PDHB: variants seen among roughly 807,000 people sequenced by gnomAD.
PDHB encodes pyruvate dehydrogenase E1 subunit beta.
In PDHB, 17 loss-of-function variants were observed where a neutral mutation model predicts 42.8. The observed-to-expected ratio is 0.40, with a 90% confidence interval of 0.27 to 0.60. PDHB has a LOEUF of 0.60. PDHB is among the 20% of genes least tolerant of loss of function. PDHB has a pLI of 0.46. For missense variants in PDHB, 322 were observed against 451.3 expected (o/e 0.71, Z 2.60); for synonymous variants, 154 against 148.7 (o/e 1.04, Z -0.26).
At chr3:58,430,302 G>T in intron 6 of PDHB, 64 bp from the exon 7 acceptor site, 1 of 1,059,284 alleles carries the variant, frequency 9.4e-7, no homozygotes. Context: ...AAACTGCATA[G>T]AAAGCAATAT....
At chr3:58,433,190 G>A (rs1222704937) in intron 2 of PDHB, 2 of 246,308 alleles carry the variant, frequency 8.1e-6, no homozygotes, top group Non-Finnish European at 1.6e-5. Flanking sequence ...GTTACCAGGG[G>A]TTTGGGGAAG....
chr3:58,432,119 A>C (rs2062925732), intron 2 of PDHB, 135 bp from the exon 3 acceptor site: 1 of 705,462 alleles, frequency 1.4e-6, no homozygotes, highest in Non-Finnish European at 2.6e-6. Flanking sequence ...CTAAAAACTC[A>C]AAGAATTCTA....
Position 58,431,486 on chromosome 3 carries a change from G to A in PDHB, c.303+107C>T. 1 of 875,812 alleles carries A rather than the reference G, an allele frequency of 1.1e-6. No individual in the cohort carries two copies. Among genetic ancestry groups the A allele is most frequent in the Admixed American group, 1.8e-5 (1 of 55,170 alleles). 54.3% of individuals were successfully genotyped at this position (875,812 alleles called of 1,614,324 possible). ...TTGCTTGAACCTGGAAGCTGAGATGGTGCCAGTGCACTCCAGGCTGGACAA... is the reference window on the plus strand; with the variant it reads ...TTGCTTGAACCTGGAAGCTGAGATGATGCCAGTGCACTCCAGGCTGGACAA... On this transcript the variant is annotated intron_variant, in intron 5 of 9. Transcript: ENST00000302746. This position sits in a 1 kb window ranked among gnomAD's most constrained non-coding sequence, Gnocchi z 4.4.
chr3:58,430,377 G>C, intron 6 of PDHB, 139 bp from the exon 7 acceptor site: 1 of 690,066 alleles, frequency 1.4e-6, no homozygotes, highest in South Asian at 1.8e-5. Flanking sequence ...CAGCAGCCTT[G>C]AGAGCAGTTT....
chr3:58,431,213 A>T lies in PDHB; in HGVS notation c.304-271T>A. On this transcript the variant is annotated intron_variant, in intron 5 of 9. Transcript: ENST00000302746. The surrounding 1 kb of genome is among the most constrained non-coding windows in gnomAD (Gnocchi z 4.4). The stretch of plus-strand genomic sequence containing the variant: ...GCACCACCACATCTACCTACTTGGT[A>T]TTTTTTTTTTTTCCCAAATGATGTT... 2 of 424,456 alleles carry T rather than the reference A, an allele frequency of 4.7e-6. No individual in the cohort carries two copies. Among genetic ancestry groups the T allele is most frequent in the Non-Finnish European group, 8.5e-6 (2 of 234,170 alleles). 26.3% of individuals were successfully genotyped at this position (424,456 alleles called of 1,614,324 possible).
chr3:58,431,821 G>GT lies in PDHB; in HGVS notation c.205-29dup. 6.2e-7 allele frequency: 1 copy of GT among 1,608,070 alleles called. No individual in the cohort carries two copies. The highest frequency in any genetic ancestry group is 8.5e-7 in the Non-Finnish European group (1 of 1,174,508). ...ACAATTAAGAGTTGATCCCTTAAGT[G>GT]TATCTGGGGGTAACAGTGACCTCAA... is the stretch of plus-strand genomic sequence containing the variant. On this transcript the variant is annotated intron_variant, in intron 3 of 9. Transcript: ENST00000302746. This position sits in a 1 kb window ranked among gnomAD's most constrained non-coding sequence, Gnocchi z 4.4.
rs1450300861 is a variant in PDHB at position 58,430,877 on chromosome 3, A to G, written c.369T>C (p.Val123=). 1 of 1,614,210 alleles carries G rather than the reference A, an allele frequency of 6.2e-7. No homozygotes were observed. Among genetic ancestry groups the G allele is most frequent in the Admixed American group, 1.7e-5 (1 of 60,032 alleles). ...FNFSMQAIDQ[V]INSAAKTYYM... ...AGTAGGTCTTGGCAGCTGAGTTTAT[A>G]ACCTGGTCAATGGCTTGCATGGAGA... The change falls in exon 6 of 10, where the codon GTT becomes GTC. Residue 123 remains valine (V), a synonymous_variant. Coordinates refer to ENST00000302746, the MANE Select transcript of PDHB (RefSeq NM_000925.4).
In PDHB at chr3:58,431,018, T is replaced by G; in HGVS notation, c.304-76A>C. The G allele has an allele frequency of 7.7e-7, 1 of 1,306,750 alleles. No individual in the cohort carries two copies. Among genetic ancestry groups the G allele is most frequent in the Middle Eastern group, 1.8e-4 (1 of 5,466 alleles). The allele number at this position is 1,306,750 out of a possible 1,614,324, so 80.9% of individuals were successfully genotyped here. On this transcript the variant is annotated intron_variant, in intron 5 of 9. Transcript: ENST00000302746. This position sits in a 1 kb window ranked among gnomAD's most constrained non-coding sequence, Gnocchi z 4.4. ...AGTAGCAAACAAATCACTCCAAGTC[T>G]TCCAACATTCAAATAATGTTTTTAT...
Position 58,431,940 on chromosome 3 carries a change from C to T in PDHB, c.141G>A (p.Leu47=). The change falls in exon 3 of 10, where the codon CTG becomes CTA. Residue 47 remains leucine (L), a synonymous_variant. Transcript: ENST00000302746. This position sits in a 1 kb window ranked among gnomAD's most constrained non-coding sequence, Gnocchi z 4.4. The part of the protein sequence containing the change: ...DAINQGMDEE[L]ERDEKVFLLG... ...GCAGAAATACCTTCTCATCTCTTTC[C>T]AGCTCCTCATCCATACCCTGATTTA... 1.2e-6 allele frequency: 2 copies of T among 1,614,044 alleles called. No individual in the cohort carries two copies. Among genetic ancestry groups the T allele is most frequent in the Non-Finnish European group, 1.7e-6 (2 of 1,179,900 alleles).
At chr3:58,428,202 G>C (rs546430652) in intron 9 of PDHB, 23 bp from the exon 10 acceptor site, 2 of 1,612,626 alleles carry the variant, frequency 1.2e-6, no homozygotes, top group East Asian at 2.2e-5. Context: ...AGGCTCAACT[G>C]AGAGAGTGCA....
At position 58,431,379 on chromosome 3, in the gene PDHB, T is replaced by C. The variant is rs1249344758; in HGVS notation, c.303+214A>G. ...GCCTGGCCAACATGGTAAAACCCCA[T>C]CTCTACTAAAAACACAAAAATTGGC... On this transcript the variant is annotated intron_variant, in intron 5 of 9. Coordinates refer to ENST00000302746, the MANE Select transcript of PDHB (RefSeq NM_000925.4). This position sits in a 1 kb window ranked among gnomAD's most constrained non-coding sequence, Gnocchi z 4.4. The C allele has an allele frequency of 5.5e-6, 3 of 550,140 alleles. No individual in the cohort carries two copies. Among genetic ancestry groups the C allele is most frequent in the Non-Finnish European group, 9.7e-6 (3 of 307,770 alleles). The allele number at this position is 550,140 out of a possible 1,614,324, so 34.1% of individuals were successfully genotyped here. A position where few individuals can be genotyped will look rare whatever the true frequency, so the allele number is the denominator to read the frequency against.
chr3:58,432,469 G>C (rs1333671664), intron 2 of PDHB: 1 of 195,942 alleles, frequency 5.1e-6, no homozygotes, highest in Non-Finnish European at 1.1e-5. Flanking sequence ...GGCCAAGGCA[G>C]GTGGATCACT....
chr3:58,430,309 A>T, intron 6 of PDHB, 71 bp from the exon 7 acceptor site: 1 of 1,020,426 alleles, frequency 9.8e-7, no homozygotes, highest in Non-Finnish European at 1.5e-6. Context: ...ATAGAAAGCA[A>T]TATCATTCAT....
Position 58,431,534 on chromosome 3 carries a change from A to G in PDHB, c.303+59T>C. 1 of 1,381,868 alleles carries G rather than the reference A, an allele frequency of 7.2e-7. No individual in the cohort carries two copies. 85.6% of individuals were successfully genotyped at this position (1,381,868 alleles called of 1,614,324 possible). On this transcript the variant is annotated intron_variant, in intron 5 of 9. Transcript: ENST00000302746. This position sits in a 1 kb window ranked among gnomAD's most constrained non-coding sequence, Gnocchi z 4.4. ...CAACAGAGTGAGACTCTGTCTCAAA[A>G]GAAAAAAAAAGAAAACAAGAAATGT... is the stretch of plus-strand genomic sequence containing the variant.
intron 5 of PDHB, 28 bp from the exon 6 acceptor site, chr3:58,430,970 A>G: frequency 6.2e-7 from 1 of 1,610,444 alleles, no homozygotes; most frequent in Non-Finnish European, 8.5e-7. Context: ...TGGATGTTAA[A>G]AAGACTAGAA....
chr3:58,432,853 GC>G (rs1228064063), intron 2 of PDHB: 1 of 152,248 alleles, frequency 6.6e-6, no homozygotes, highest in East Asian at 1.9e-4. Flanking sequence ...ACAAAAATTA[GC>G]CCGGTGTGGT....
At chr3:58,428,967 G>A (rs1412161389) in intron 8 of PDHB, among the ~76,000 whole-genome samples, 1 of 152,116 alleles carries the variant, frequency 6.6e-6, no homozygotes, top group Non-Finnish European at 1.5e-5. Context: ...CCATTTTCCT[G>A]CCTCAGCCTC....
chr3:58,432,117 T>C (rs2062925717), intron 2 of PDHB, 133 bp from the exon 3 acceptor site: 1 of 708,782 alleles, frequency 1.4e-6, no homozygotes, highest in Admixed American at 2.2e-5. Flanking sequence ...CTCTAAAAAC[T>C]CAAAGAATTC....
At chr3:58,430,541 AAC>A (rs2062910803) in intron 6 of PDHB, 114 bp downstream of exon 6, 1 of 860,690 alleles carries the variant, frequency 1.2e-6, no homozygotes, top group African/African-American at 1.7e-5. Context: ...ATAAAGTATT[AAC>A]ATTCTATACG....
Sources: gnomAD v4.1 joint callset for allele counts (sites outside exome capture counted in the v4.1 genomes callset) on GRCh38, gnomAD v4.1.1 for gene constraint, Gnocchi (gnomAD v3.1) non-coding constraint, MANE v1.5 for transcripts, NCBI Gene and HGNC (gene_info 2026-07-23, HGNC 2026-07-21) for gene names.